The following LRRC9 variants were observed in gnomAD, a reference collection of about 807,000 sequenced individuals.
LRRC9 encodes leucine-rich repeat-containing protein 9.
Under a neutral mutation model 63.2 loss-of-function variants are expected in LRRC9, and 122 were observed. The observed-to-expected ratio is 1.93, with a 90% confidence interval of 1.67 to 2.24. The LOEUF is 2.24. Ranked by LOEUF, LRRC9 falls within the 30% of genes most tolerant of loss-of-function variation. LRRC9 has a pLI of 0.00. For synonymous variants in LRRC9, 366 were observed against 213.1 expected (o/e 1.72, Z -6.25); for missense variants, 1,071 against 627.7 (o/e 1.71, Z -7.55).
At chr14:60,015,912 C>T (rs1231537704) in intron 23 of LRRC9, among the ~76,000 whole-genome samples, 2 of 152,086 alleles carry the variant, frequency 1.3e-5, no homozygotes, top group Non-Finnish European at 2.9e-5. Context: ...AAGTTGGGGG[C>T]CACAGTTTAT....
chr14:60,042,130 C>G lies in LRRC9; in HGVS notation c.3990+10067C>G, dbSNP rs958668152. ...CTGGAACCTTCGTCTCAGAGGGGCA[C>G]CCAGCTGTATGAGGTGTCAGTCAGC... On this transcript the variant is annotated intron_variant, in intron 29 of 31. Coordinates refer to ENST00000445360, the Ensembl canonical transcript of LRRC9. The surrounding 1 kb of genome is among the most constrained non-coding windows in gnomAD (Gnocchi z 4.2). Among the ~76,000 whole-genome samples the G allele has an allele frequency of 6.6e-6, 1 of 152,200 alleles. No individual in the cohort carries two copies. The highest frequency in any genetic ancestry group is 2.4e-5 in the African/African-American group (1 of 41,448).
At chr14:60,037,394 C>T (rs891807555) in intron 29 of LRRC9, among the ~76,000 whole-genome samples, 2 of 152,146 alleles carry the variant, frequency 1.3e-5, no homozygotes, top group Admixed American at 1.3e-4. Flanking sequence ...AGGGTAAAAG[C>T]GTTCCTATTT....
rs904365682 is a variant in LRRC9 at position 60,017,045 on chromosome 14, T to A, written c.3317+255T>A. Among the ~76,000 whole-genome samples, 2 of 151,984 alleles carry A rather than the reference T, an allele frequency of 1.3e-5. No homozygotes were observed. Among genetic ancestry groups the A allele is most frequent in the Admixed American group, 1.3e-4 (2 of 15,224 alleles). On this transcript the variant is annotated intron_variant, in intron 24 of 31. Coordinates refer to ENST00000445360, the Ensembl canonical transcript of LRRC9. This position sits in a 1 kb window ranked among gnomAD's most constrained non-coding sequence, Gnocchi z 4.0. ...ATAGGCACGCACCACCAAGCATGGC[T>A]AATTTTCTTTGTATTTTTTGTGGAG...
Position 59,942,690 on chromosome 14 carries a change from T to C in LRRC9, c.727-1899T>C, listed in dbSNP as rs906095540. Among the ~76,000 whole-genome samples, 1 of 152,028 alleles carries C rather than the reference T, an allele frequency of 6.6e-6. No homozygotes were observed. The highest frequency in any genetic ancestry group is 1.5e-5 in the Non-Finnish European group (1 of 68,000). ...TTGCGGTGAGCCGATATCACACCAC[T>C]GCACTTCAGCCTGGGTGACAGAGTG... On this transcript the variant is annotated intron_variant, in intron 7 of 31. Coordinates refer to ENST00000445360, the Ensembl canonical transcript of LRRC9. The surrounding 1 kb of genome is among the most constrained non-coding windows in gnomAD (Gnocchi z 5.3).
At chr14:59,975,139 ACATATATATATG>A (rs1886089655) in intron 13 of LRRC9, among the ~76,000 whole-genome samples, 1 of 11,728 alleles carries the variant, frequency 8.5e-5, no homozygotes, top group African/African-American at 1.6e-4. Context: ...ATATATATAT[ACATATATATATG>A]TATATATATA....
At chr14:59,989,699 C>A (rs529065195) in intron 17 of LRRC9, among the ~76,000 whole-genome samples, 3 of 152,176 alleles carry the variant, frequency 2.0e-5, no homozygotes, top group Admixed American at 2.0e-4. Context: ...CCCCTCTCCA[C>A]ACTCCCACCA....
intron 15 of LRRC9, among the ~76,000 whole-genome samples, chr14:59,980,980 T>C (rs1886865918): frequency 6.6e-6 from 1 of 152,156 alleles, no homozygotes; most frequent in South Asian, 2.1e-4. Flanking sequence ...TTTGCTTCTC[T>C]TAGTTTCTTG....
chr14:60,039,533 T>C (rs1892752349), intron 29 of LRRC9, among the ~76,000 whole-genome samples: 1 of 152,234 alleles, frequency 6.6e-6, no homozygotes, highest in Admixed American at 6.5e-5. Flanking sequence ...TCTTCTAGAT[T>C]TTCTAGTTTA....
chr14:60,008,502 T>G (rs1166707032), intron 23 of LRRC9, among the ~76,000 whole-genome samples: 4 of 152,148 alleles, frequency 2.6e-5, no homozygotes, highest in Non-Finnish European at 4.4e-5. Context: ...TGGGACAGGA[T>G]AGAAAATTAT....
At chr14:60,009,866 G>A (rs532327124) in intron 23 of LRRC9, among the ~76,000 whole-genome samples, 1 of 152,326 alleles carries the variant, frequency 6.6e-6, no homozygotes, top group Non-Finnish European at 1.5e-5. Context: ...ATCCAGTGAG[G>A]CAGCAAAATC....
intron 8 of LRRC9, among the ~76,000 whole-genome samples, chr14:59,953,231 C>T (rs1883366158): frequency 6.6e-6 from 1 of 152,210 alleles, no homozygotes; most frequent in Non-Finnish European, 1.5e-5. Flanking sequence ...GAGGAAACGT[C>T]ACACTGTCTT....
intron 29 of LRRC9, among the ~76,000 whole-genome samples, chr14:60,038,751 G>A (rs1201515252): frequency 2.6e-5 from 4 of 151,970 alleles, no homozygotes; most frequent in South Asian, 2.1e-4. Context: ...AACTGAATAC[G>A]CTTTATTTCT....
Position 59,931,975 on chromosome 14 carries a change from GTCTT to G in LRRC9, c.480_483del (p.Cys160TrpfsTer10), listed in dbSNP as rs1180848974. The G allele has an allele frequency of 5.7e-6, 4 of 699,542 alleles. No individual in the cohort carries two copies. The highest frequency in any genetic ancestry group is 1.0e-5 in the Non-Finnish European group (4 of 383,480). The allele number at this position is 699,542 out of a possible 1,614,324, so 43.3% of individuals were successfully genotyped here. A position where few individuals can be genotyped will look rare whatever the true frequency, so the allele number is the denominator to read the frequency against. On this transcript the variant is annotated frameshift_variant, in exon 6 of 32. Coordinates refer to ENST00000445360, the Ensembl canonical transcript of LRRC9. LOFTEE classifies it high-confidence loss of function. ...TTTCGTCTATTTTTTAAAGGTCGATGTCTTGACTCCAATGAACAACTGGAAAGAT... is the reference window on the plus strand; with the variant it reads ...TTTCGTCTATTTTTTAAAGGTCGATGGACTCCAATGAACAACTGGAAAGAT...
chr14:60,011,190 G>C (rs1339886594), intron 23 of LRRC9, among the ~76,000 whole-genome samples: 1 of 152,176 alleles, frequency 6.6e-6, no homozygotes, highest in African/African-American at 2.4e-5. Context: ...TCACAATCAT[G>C]GCAGATGAAG....
chr14:60,021,122 G>T (rs932418768), intron 26 of LRRC9, among the ~76,000 whole-genome samples: 1 of 151,890 alleles, frequency 6.6e-6, no homozygotes, highest in Non-Finnish European at 1.5e-5. Flanking sequence ...AGCATGTGAA[G>T]ATTTTAATTC....
chr14:59,981,106 C>G (rs754468016), intron 15 of LRRC9, among the ~76,000 whole-genome samples: 2 of 151,960 alleles, frequency 1.3e-5, no homozygotes, highest in East Asian at 3.9e-4. Context: ...CTATTTTATA[C>G]TCTATTTTTA....
intron 23 of LRRC9, among the ~76,000 whole-genome samples, chr14:60,015,473 G>C (rs1890600994): frequency 1.3e-5 from 2 of 152,120 alleles, no homozygotes; most frequent in South Asian, 4.1e-4. Context: ...TCAGGTGGGA[G>C]ATAGAAGTTC....
chr14:60,052,586 T>C (rs749244890), intron 29 of LRRC9, among the ~76,000 whole-genome samples: 15 of 152,196 alleles, frequency 9.9e-5, no homozygotes, highest in Non-Finnish European at 2.1e-4. Flanking sequence ...AAACCAGCAA[T>C]AGCTATCCTT....
chr14:60,047,725 T>C (rs907976416), intron 29 of LRRC9, among the ~76,000 whole-genome samples: 2 of 152,132 alleles, frequency 1.3e-5, no homozygotes, highest in African/African-American at 4.8e-5. Flanking sequence ...CTGACAGTAT[T>C]AGACAGATCA....
Sources: gnomAD v4.1 joint callset for allele counts (sites outside exome capture counted in the v4.1 genomes callset) on GRCh38, gnomAD v4.1.1 for gene constraint, Gnocchi (gnomAD v3.1) non-coding constraint, MANE v1.5 for transcripts, NCBI Gene and HGNC (gene_info 2026-07-23, HGNC 2026-07-21) for gene names.